The following GALM variants were observed in gnomAD, a reference collection of about 807,000 sequenced individuals.
GALM encodes the protein aldose 1-epimerase.
Under a neutral mutation model 37.4 loss-of-function variants are expected in GALM, and 43 were observed. The observed-to-expected ratio is 1.15, with a 90% CI of 0.90 to 1.48. The LOEUF (loss-of-function observed/expected upper bound fraction) is 1.48, where lower values mean the gene tolerates loss of function less well. GALM is among the 40% of genes most tolerant of loss of function. The probability of loss-of-function intolerance (pLI) is 0.00; values close to 1 mark genes in which losing one functional copy is unlikely to be tolerated. For missense variants in GALM, 456 were observed against 419.1 expected, an observed-to-expected ratio of 1.09 and a Z score of -0.77; for synonymous variants, 199 against 170.6, an observed-to-expected ratio of 1.17 and a Z score of -1.30.
At chr2:38,676,345 G>T (rs1665260482) in intron 2 of GALM, among the ~76,000 whole-genome samples, 1 of 152,156 alleles carries the variant, frequency 6.6e-6, no homozygotes, top group Admixed American at 6.5e-5. Context: ...AGATCAGGGA[G>T]TCGGGTTGAA....
intron 1 of GALM, among the ~76,000 whole-genome samples, chr2:38,672,176 G>A (rs537838481): frequency 2.3e-4 from 35 of 152,326 alleles, no homozygotes; most frequent in African/African-American, 8.2e-4. Context: ...GAGCCCTGCT[G>A]TTGGCTTTGT....
chr2:38,716,625 A>G (rs1666274319), intron 4 of GALM, among the ~76,000 whole-genome samples: 1 of 152,212 alleles, frequency 6.6e-6, no homozygotes. Context: ...TTCATGACTC[A>G]AAAAAATCAT....
chr2:38,721,539 G>A (rs1185415750), intron 4 of GALM, among the ~76,000 whole-genome samples: 2 of 151,974 alleles, frequency 1.3e-5, no homozygotes, highest in African/African-American at 4.8e-5. Context: ...TTTGAGACGA[G>A]CTCTCACTCT....
intron 4 of GALM, among the ~76,000 whole-genome samples, chr2:38,723,151 G>T (rs1256259819): frequency 6.6e-6 from 1 of 152,150 alleles, no homozygotes; most frequent in South Asian, 2.1e-4. Flanking sequence ...TTGCCCTTTA[G>T]GACCTCACTT....
rs60875583 is a variant in GALM at position 38,709,080 on chromosome 2, G to A, written c.634+19186G>A. On this transcript the variant is annotated intron_variant, in intron 4 of 6. Transcript: ENST00000272252. ...GAGGACAGGGTGTAAGGCAGATCAA[G>A]GAGTGTTACTAAGGGTCTCAGGTCC... Among the ~76,000 whole-genome samples, 3 of 152,284 alleles carry A rather than the reference G, an allele frequency of 2.0e-5. No individual in the cohort carries two copies. In the East Asian group the frequency reaches 5.8e-4, roughly 29 times the overall value.
chr2:38,678,318 AT>A (rs200408033), intron 2 of GALM, among the ~76,000 whole-genome samples: 1 of 151,112 alleles, frequency 6.6e-6, no homozygotes, highest in Non-Finnish European at 1.5e-5. Flanking sequence ...CCACCAACAC[AT>A]TTTTTTTTAA....
At chr2:38,714,203 G>GT (rs796408281) in intron 4 of GALM, among the ~76,000 whole-genome samples, 52 of 151,044 alleles carry the variant, frequency 3.4e-4, no homozygotes, top group Middle Eastern at 3.4e-3. Flanking sequence ...CTACTTTGGG[G>GT]TTTTTTTTGC....
In GALM at chr2:38,734,007, C is replaced by T. The variant is rs1015575813; in HGVS notation, c.*442C>T. The stretch of plus-strand genomic sequence containing the variant: ...TTTCAAATGTCACATTAGCCTCACC[C>T]TGCATGCTAGGAGATGGACCTGTCT... On this transcript the variant is annotated 3_prime_UTR_variant, in exon 7 of 7. Coordinates refer to ENST00000272252, the MANE Select transcript of GALM (RefSeq NM_138801.3). 4.4e-5 allele frequency: 11 copies of T among 250,326 alleles called. No individual in the cohort carries two copies. Among genetic ancestry groups the T allele is most frequent in the Non-Finnish European group, 8.7e-5 (11 of 125,770 alleles). 15.5% of individuals were successfully genotyped at this position (250,326 alleles called of 1,614,324 possible). A position where few individuals can be genotyped will look rare whatever the true frequency, so the allele number is the denominator to read the frequency against.
intron 3 of GALM, among the ~76,000 whole-genome samples, chr2:38,688,236 G>C (rs1665589746): frequency 6.6e-6 from 1 of 151,670 alleles, no homozygotes; most frequent in South Asian, 2.1e-4. Flanking sequence ...TGTGTACTGG[G>C]TGCGGTGACT....
At position 38,694,757 on chromosome 2, in the gene GALM, C is replaced by T. The variant is rs1034720880; in HGVS notation, c.634+4863C>T. ...TAAAAATACAAAAAAATTAGCCAGG[C>T]GTGGTGGCAGGCGCCTATAGTCCCA... On this transcript the variant is annotated intron_variant, in intron 4 of 6. Transcript: ENST00000272252. Among the ~76,000 whole-genome samples, 4 of 151,830 alleles carry T rather than the reference C, an allele frequency of 2.6e-5. No individual in the cohort carries two copies. The East Asian group carries it at 7.8e-4, about 30-fold the overall frequency.
Position 38,681,269 on chromosome 2 carries a change from C to CT in GALM, c.346-5dup. On this transcript the variant is annotated splice_polypyrimidine_tract_variant and intron_variant, in intron 2 of 6. Transcript: ENST00000272252. Reference sequence around the variant, plus strand: ...GAGCAACTACACAACTTTGAAAACACTTTTTTCCAGGTGCTCTGGACCCCT... The same window carrying CT: ...GAGCAACTACACAACTTTGAAAACACTTTTTTTCCAGGTGCTCTGGACCCCT... The CT allele has an allele frequency of 6.2e-7, 1 of 1,611,378 alleles. No homozygotes were observed. The highest frequency in any genetic ancestry group is 8.5e-7 in the Non-Finnish European group (1 of 1,178,904).
chr2:38,679,379 G>A (rs769272596), intron 2 of GALM, among the ~76,000 whole-genome samples: 2 of 151,906 alleles, frequency 1.3e-5, no homozygotes, highest in African/African-American at 2.4e-5. Flanking sequence ...CACTAGGAAT[G>A]TAGAAGGTAG....
chr2:38,677,556 G>C (rs1278276109), intron 2 of GALM, among the ~76,000 whole-genome samples: 3 of 152,180 alleles, frequency 2.0e-5, no homozygotes, highest in Non-Finnish European at 4.4e-5. Flanking sequence ...GAGAAAGTAA[G>C]GCCCAGCCTG....
At chr2:38,710,447 C>T (rs1016130685) in intron 4 of GALM, among the ~76,000 whole-genome samples, 5 of 152,214 alleles carry the variant, frequency 3.3e-5, no homozygotes, top group African/African-American at 1.2e-4. Flanking sequence ...ACCTAGGGCT[C>T]ACCCTCACCT....
At position 38,731,895 on chromosome 2, in the gene GALM, G is replaced by T; in HGVS notation, c.937G>T (p.Asp313Tyr). The change falls in exon 6 of 7, where the codon GAT becomes TAT. Residue 313 changes from aspartate (D) to tyrosine (Y), a missense_variant. By Grantham distance (160) the Asp-to-Tyr change is radical. Coordinates refer to ENST00000272252, the MANE Select transcript of GALM (RefSeq NM_138801.3). ...GFCLETQNWPDAVNQPRFPPV... is the reference protein window; with the variant it reads ...GFCLETQNWPYAVNQPRFPPV... Reference sequence around the variant, plus strand: ...CTGCCTGGAGACTCAGAACTGGCCTGATGCAGTCAATCAGGTAATGCCACA... The same window carrying T: ...CTGCCTGGAGACTCAGAACTGGCCTTATGCAGTCAATCAGGTAATGCCACA... 1 of 1,614,104 alleles carries T rather than the reference G, an allele frequency of 6.2e-7. No homozygotes were observed. The highest frequency in any genetic ancestry group is 8.5e-7 in the Non-Finnish European group (1 of 1,179,976).
chr2:38,707,032 A>T (rs1369322262), intron 4 of GALM, among the ~76,000 whole-genome samples: 1 of 147,128 alleles, frequency 6.8e-6, no homozygotes, highest in Non-Finnish European at 1.5e-5. Context: ...CTGTGTGATG[A>T]CCCCGGGACT....
intron 3 of GALM, among the ~76,000 whole-genome samples, chr2:38,686,257 T>TC: frequency 1.6e-5 from 2 of 124,694 alleles, no homozygotes; most frequent in Non-Finnish European, 3.1e-5. Flanking sequence ...TCTTTCTTTC[T>TC]TTCTTTCTTT....
intron 4 of GALM, among the ~76,000 whole-genome samples, chr2:38,695,662 T>A (rs1292180292): frequency 6.6e-6 from 1 of 152,182 alleles, no homozygotes; most frequent in East Asian, 1.9e-4. Context: ...TCCTTGTTTA[T>A]GTGTGTGTGG....
At chr2:38,696,684 C>A (rs1665812939) in intron 4 of GALM, among the ~76,000 whole-genome samples, 1 of 150,260 alleles carries the variant, frequency 6.7e-6, no homozygotes, top group Non-Finnish European at 1.5e-5. Context: ...GTTGCCCAGG[C>A]TGGTCTCAAA....
Sources: allele counts gnomAD v4.1 joint callset (sites outside exome capture counted in the v4.1 genomes callset), GRCh38; gene constraint gnomAD v4.1.1; transcripts MANE v1.5; gene names NCBI Gene and HGNC (gene_info 2026-07-23, HGNC 2026-07-21).